The following DYNC2LI1 variants were observed in gnomAD, a reference collection of about 807,000 sequenced individuals.
The protein encoded by DYNC2LI1 is cytoplasmic dynein 2 light intermediate chain 1.
DYNC2LI1 carries 45 observed loss-of-function variants against 51.9 expected under a neutral mutation model. That is an observed-to-expected ratio of 0.87 (90% CI 0.68 to 1.11). The LOEUF is 1.11. Ranked by LOEUF, DYNC2LI1 falls within the 50% of genes most tolerant of loss-of-function variation. The pLI is 0.00. For missense variants in DYNC2LI1, 490 were observed against 417.4 expected (o/e 1.17, Z -1.51); for synonymous variants, 130 against 137.8 (o/e 0.94, Z 0.40).
chr2:43,795,527 G>A lies in DYNC2LI1; in HGVS notation c.508-363G>A, dbSNP rs915425464. ...CAAAAGAAAAAAAAAGAGAGGAAGT[G>A]TTTTTCATAGGAAATAATGGAACAA... is the stretch of plus-strand genomic sequence containing the variant. On this transcript the variant is annotated intron_variant, in intron 6 of 12. Coordinates refer to ENST00000260605, the MANE Select transcript of DYNC2LI1 (RefSeq NM_016008.4). Among the ~76,000 whole-genome samples the A allele has an allele frequency of 3.3e-5, 5 of 151,944 alleles. No individual in the cohort carries two copies. The South Asian group carries it at 1.0e-3, about 31-fold the overall frequency.
chr2:43,796,073 A>G (rs1413945817), intron 7 of DYNC2LI1, 115 bp downstream of exon 7: 1 of 762,016 alleles, frequency 1.3e-6, no homozygotes, highest in African/African-American at 1.8e-5. Flanking sequence ...GAATCGGTTA[A>G]GTCATGCATC....
chr2:43,800,143 C>A (rs775191761), intron 8 of DYNC2LI1, among the ~76,000 whole-genome samples: 195 of 152,188 alleles, frequency 1.3e-3, no homozygotes, highest in Non-Finnish European at 2.2e-3. Context: ...GAAATCCAAT[C>A]TAGCTTTTAA....
the DYNC2LI1 span, among the ~76,000 whole-genome samples, chr2:43,815,896 T>A: frequency 9.6e-5 from 9 of 93,434 alleles, no homozygotes; most frequent in Admixed American, 2.8e-4. Flanking sequence ...GAGGGCAGAG[T>A]AAGAACAGGA....
intron 2 of DYNC2LI1, chr2:43,781,737 G>C (rs1673296098): frequency 6.6e-6 from 1 of 151,792 alleles, no homozygotes; most frequent in African/African-American, 2.4e-5. Flanking sequence ...CAAGTTGCTG[G>C]GACTGCAGGT....
intron 12 of DYNC2LI1, among the ~76,000 whole-genome samples, chr2:43,809,164 T>C (rs1014189915): frequency 1.8e-4 from 28 of 152,070 alleles, no homozygotes; most frequent in African/African-American, 6.5e-4. Context: ...ATTATTTTTC[T>C]CAGTTTTTGT....
chr2:43,787,408 T>G (rs1007310913), intron 4 of DYNC2LI1, among the ~76,000 whole-genome samples, 158 bp downstream of exon 4: 1 of 152,246 alleles, frequency 6.6e-6, no homozygotes, highest in Non-Finnish European at 1.5e-5. Flanking sequence ...GTGTGGCAGA[T>G]AGAAGCCAAC....
chr2:43,779,089 C>A (rs114356167), intron 2 of DYNC2LI1, among the ~76,000 whole-genome samples: 3,814 of 151,930 alleles, frequency 0.025, 154 homozygotes, highest in African/African-American at 0.084. Flanking sequence ...AACCCAGTCT[C>A]CCCCCAAAAA....
At chr2:43,786,659 C>T (rs145213263) in intron 3 of DYNC2LI1, among the ~76,000 whole-genome samples, 1,888 of 152,076 alleles carry the variant, frequency 0.012, 42 homozygotes, top group African/African-American at 0.041. Context: ...CCTGTCTTTA[C>T]TAAAAATACA....
chr2:43,819,339 T>G, the DYNC2LI1 span, among the ~76,000 whole-genome samples: 1 of 152,146 alleles, frequency 6.6e-6, no homozygotes, highest in Non-Finnish European at 1.5e-5. Context: ...AGAACATTGA[T>G]AAAATACAGA....
intron 2 of DYNC2LI1, among the ~76,000 whole-genome samples, chr2:43,782,426 T>C (rs1038784978): frequency 4.6e-5 from 7 of 151,968 alleles, no homozygotes; most frequent in African/African-American, 1.7e-4. Context: ...TAATAAGTGT[T>C]CTGTGTTTTT....
At chr2:43,801,578 G>A (rs994933535) in intron 9 of DYNC2LI1, 61 bp from the exon 10 acceptor site, 1 of 1,244,588 alleles carries the variant, frequency 8.0e-7, no homozygotes, top group Non-Finnish European at 1.2e-6. Context: ...ATATTTACAG[G>A]AGAGCGTGGC....
chr2:43,821,532 C>T, the DYNC2LI1 span, among the ~76,000 whole-genome samples: 6 of 152,298 alleles, frequency 3.9e-5, no homozygotes, highest in South Asian at 2.1e-4. Context: ...CCCTCACTGC[C>T]GCAGATGCTG....
chr2:43,795,232 G>C (rs991359045), intron 6 of DYNC2LI1: 7 of 979,106 alleles, frequency 7.1e-6, no homozygotes, highest in Admixed American at 6.0e-5. Context: ...GTAGCAGGGT[G>C]CGATGGCTCA....
the DYNC2LI1 span, chr2:43,824,696 G>C: frequency 1.0e-6 from 1 of 954,286 alleles, no homozygotes; most frequent in Non-Finnish European, 1.2e-6. Context: ...TTGTTTGAGA[G>C]AGATCCCTGA....
the DYNC2LI1 span, chr2:43,824,112 C>A: frequency 6.2e-7 from 1 of 1,614,210 alleles, no homozygotes; most frequent in Admixed American, 1.7e-5. Context: ...AGTTTCTTGT[C>A]ACTCTCCTGA....
chr2:43,828,178 G>A, the DYNC2LI1 span: 1 of 1,609,386 alleles, frequency 6.2e-7, no homozygotes, highest in East Asian at 2.2e-5. Context: ...CAATTCATGG[G>A]CTGGGGAGGA....
chr2:43,791,479 C>G (rs1673781442), intron 5 of DYNC2LI1, among the ~76,000 whole-genome samples: 2 of 152,156 alleles, frequency 1.3e-5, no homozygotes, highest in African/African-American at 4.8e-5. Flanking sequence ...CTTGGGCTTC[C>G]TTTCCCTGGA....
downstream of DYNC2LI1, among the ~76,000 whole-genome samples, chr2:43,814,039 G>T (rs1290105085): frequency 6.6e-6 from 1 of 152,066 alleles, no homozygotes; most frequent in Non-Finnish European, 1.5e-5. Context: ...TAATGGCCAT[G>T]AGGTCCTTGT....
intron 3 of DYNC2LI1, 60 bp from the exon 4 acceptor site, chr2:43,787,121 T>A (rs779711893): frequency 4.0e-5 from 55 of 1,364,068 alleles, no homozygotes; most frequent in Non-Finnish European, 5.2e-5. Context: ...TCAGGTAAGG[T>A]GATAGCATAA....
Sources: allele counts gnomAD v4.1 joint callset (sites outside exome capture counted in the v4.1 genomes callset), GRCh38; gene constraint gnomAD v4.1.1; transcripts MANE v1.5; gene names NCBI Gene and HGNC (gene_info 2026-07-23, HGNC 2026-07-21).